FLACC1: variants seen among roughly 807,000 people sequenced by gnomAD.
FLACC1 encodes the protein flagellum associated containing coiled-coil domains 1, also known as flagellum-associated coiled-coil domain-containing protein 1.
A neutral mutation model predicts 62.8 loss-of-function variants in FLACC1; 66 were observed. That is an observed-to-expected ratio of 1.05 (90% confidence interval 0.86 to 1.29). The LOEUF is 1.29. Ranked by LOEUF, FLACC1 falls within the 50% of genes most tolerant of loss-of-function variation. The probability of loss-of-function intolerance (pLI) is 0.00; values close to 1 mark genes in which losing one functional copy is unlikely to be tolerated. For missense variants in FLACC1, 452 were observed against 489.1 expected (o/e 0.92, Z 0.71); for synonymous variants, 156 against 161.0 (o/e 0.97, Z 0.24).
At position 201,347,642 on chromosome 2, in the gene FLACC1, C is replaced by CAAAAA. The variant is rs199933300; in HGVS notation, c.234+607_234+611dup. ...AAAGACCTAAAACTAAAAAACAAAA[C>CAAAAA]AAAAAAAAGAAAGAAAAGAAACTAG... On this transcript the variant is annotated intron_variant, in intron 4 of 14. Transcript: ENST00000392257. Among the ~76,000 whole-genome samples, 9 of 145,556 alleles carry CAAAAA rather than the reference C, an allele frequency of 6.2e-5. 1 individual carries two copies. The highest frequency in any genetic ancestry group is 1.0e-4 in the African/African-American group (4 of 39,892).
At chr2:201,322,143 C>A (rs1258892980) in intron 9 of FLACC1, among the ~76,000 whole-genome samples, 2 of 151,858 alleles carry the variant, frequency 1.3e-5, no homozygotes, top group Non-Finnish European at 1.5e-5. Context: ...GTGGCAGGCA[C>A]CTGTAATCCC....
chr2:201,350,168 T>C (rs965743821), intron 3 of FLACC1, among the ~76,000 whole-genome samples: 3 of 152,096 alleles, frequency 2.0e-5, no homozygotes, highest in African/African-American at 7.2e-5. Flanking sequence ...GCTGGTCACT[T>C]AAGGTCAGGA....
intron 12 of FLACC1, among the ~76,000 whole-genome samples, chr2:201,298,973 T>C (rs1949921757): frequency 6.6e-6 from 1 of 152,232 alleles, no homozygotes; most frequent in Admixed American, 6.5e-5. Context: ...TTGCTAGAAA[T>C]GAAAGTCATT....
intron 12 of FLACC1, among the ~76,000 whole-genome samples, chr2:201,290,153 G>A (rs1195707313): frequency 6.6e-6 from 1 of 152,200 alleles, no homozygotes; most frequent in Non-Finnish European, 1.5e-5. Flanking sequence ...GAATAGGTGG[G>A]ATAGAGGGCA....
intron 12 of FLACC1, among the ~76,000 whole-genome samples, chr2:201,293,077 A>C (rs1949775276): frequency 6.6e-6 from 1 of 152,202 alleles, no homozygotes; most frequent in Admixed American, 6.5e-5. Flanking sequence ...ATAATGGGAG[A>C]CTTTAACACC....
At chr2:201,307,766 C>G (rs778235287) in intron 10 of FLACC1, 144 bp from the exon 11 acceptor site, 1 of 675,474 alleles carries the variant, frequency 1.5e-6, no homozygotes, top group Non-Finnish European at 2.6e-6. Flanking sequence ...GCCTCTGACA[C>G]TCACCTGAAG....
chr2:201,307,432 T>A, intron 11 of FLACC1, 87 bp downstream of exon 11: 5 of 937,660 alleles, frequency 5.3e-6, no homozygotes, highest in Non-Finnish European at 8.5e-6. Context: ...GACAAAAAGA[T>A]CACCTAATTA....
Position 201,346,501 on chromosome 2 carries a change from G to A in FLACC1, c.368+41C>T, listed in dbSNP as rs1559419277. The A allele has an allele frequency of 1.2e-6, 2 of 1,608,280 alleles. No individual in the cohort carries two copies. Among genetic ancestry groups the A allele is most frequent in the Non-Finnish European group, 1.7e-6 (2 of 1,179,294 alleles). Reference sequence around the variant, plus strand: ...CCTGAGGCCGGGCTGAGCTGGGTGGGAGTAGCCCCAAGCAGCTGCATGTTG... The same window carrying A: ...CCTGAGGCCGGGCTGAGCTGGGTGGAAGTAGCCCCAAGCAGCTGCATGTTG... On this transcript the variant is annotated intron_variant, in intron 5 of 14. Coordinates refer to ENST00000392257, the MANE Select transcript of FLACC1 (RefSeq NM_001127391.3). This position sits in a 1 kb window ranked among gnomAD's most constrained non-coding sequence, Gnocchi z 4.0.
chr2:201,329,385 G>C (rs951778982), intron 9 of FLACC1, among the ~76,000 whole-genome samples: 2 of 152,094 alleles, frequency 1.3e-5, no homozygotes, highest in Non-Finnish European at 2.9e-5. Flanking sequence ...AAGCAGCTTG[G>C]AAATTCTCAA....
At chr2:201,299,986 C>T (rs912241710) in intron 11 of FLACC1, among the ~76,000 whole-genome samples, 3 of 152,132 alleles carry the variant, frequency 2.0e-5, no homozygotes, top group Non-Finnish European at 4.4e-5. Flanking sequence ...GTCTATAGCT[C>T]CCAGCATGAG....
chr2:201,351,011 A>G (rs1392883355), intron 2 of FLACC1, among the ~76,000 whole-genome samples: 1 of 152,182 alleles, frequency 6.6e-6, no homozygotes, highest in Non-Finnish European at 1.5e-5. Flanking sequence ...TTTATCCCAC[A>G]TGAAGGCGGC....
chr2:201,314,722 G>A (rs1249413922), intron 9 of FLACC1, among the ~76,000 whole-genome samples: 1 of 152,064 alleles, frequency 6.6e-6, no homozygotes, highest in Non-Finnish European at 1.5e-5. Context: ...TCATAGCCTA[G>A]GCACATTGTC....
rs1244085941 is a variant in FLACC1 at position 201,348,239 on chromosome 2, C to T, written c.234+15G>A. On this transcript the variant is annotated intron_variant, in intron 4 of 14. Coordinates refer to ENST00000392257, the MANE Select transcript of FLACC1 (RefSeq NM_001127391.3). ...ATAAATTTTAGTCCCACCGCCCTCT[C>T]CTGCCTTTACTCACATAAAATGATT... The T allele has an allele frequency of 6.2e-7, 1 of 1,612,494 alleles. No individual in the cohort carries two copies. The highest frequency in any genetic ancestry group is 2.2e-5 in the East Asian group (1 of 44,772).
chr2:201,291,005 T>C (rs949090414), intron 12 of FLACC1, among the ~76,000 whole-genome samples: 20 of 152,058 alleles, frequency 1.3e-4, no homozygotes, highest in African/African-American at 4.6e-4. Flanking sequence ...TTGCTGAGGA[T>C]TGAGTAGGTA....
chr2:201,350,878 A>G (rs1257053286), intron 2 of FLACC1, 96 bp from the exon 3 acceptor site: 1 of 1,000,394 alleles, frequency 1.0e-6, no homozygotes, highest in Non-Finnish European at 1.5e-6. Flanking sequence ...TAGTGACCCA[A>G]AATTGGAATG....
the FLACC1 span, among the ~76,000 whole-genome samples, chr2:201,363,513 T>C: frequency 6.6e-6 from 1 of 151,876 alleles, no homozygotes; most frequent in African/African-American, 2.4e-5. Context: ...AAGACATAGA[T>C]CATGGTGCAG....
chr2:201,305,940 G>C (rs899200565), intron 11 of FLACC1, among the ~76,000 whole-genome samples: 2 of 145,358 alleles, frequency 1.4e-5, no homozygotes, highest in African/African-American at 2.5e-5. Flanking sequence ...GTTGTGGGGT[G>C]GGGGGAGGGG....
In FLACC1 at chr2:201,328,985, G is replaced by A. The variant is rs1405883569; in HGVS notation, c.675+1485C>T. On this transcript the variant is annotated intron_variant, in intron 9 of 14. Coordinates refer to ENST00000392257, the MANE Select transcript of FLACC1 (RefSeq NM_001127391.3). The stretch of plus-strand genomic sequence containing the variant: ...TGTGTTTGACAAACGGATAGTTACG[G>A]AACCACCACTACATCTCCAGTAATT... Among the ~76,000 whole-genome samples the A allele has an allele frequency of 3.3e-5, 5 of 151,998 alleles. No individual in the cohort carries two copies. The South Asian group carries it at 8.3e-4, about 25-fold the overall frequency.
At chr2:201,351,515 A>C in intron 1 of FLACC1, 64 bp from the exon 2 acceptor site, 1 of 788,934 alleles carries the variant, frequency 1.3e-6, no homozygotes, top group Non-Finnish European at 2.1e-6. Flanking sequence ...ATACAGAAGA[A>C]TTGGGAAGAA....
Sources: gnomAD v4.1 joint callset for allele counts (sites outside exome capture counted in the v4.1 genomes callset) on GRCh38, gnomAD v4.1.1 for gene constraint, Gnocchi (gnomAD v3.1) non-coding constraint, MANE v1.5 for transcripts, NCBI Gene and HGNC (gene_info 2026-07-23, HGNC 2026-07-21) for gene names.